Variants in WWOX observed in about 807,000 individuals in gnomAD.
WWOX encodes the protein WW domain-containing oxidoreductase.
A neutral mutation model predicts 46.2 loss-of-function variants in WWOX; 69 were observed. The observed-to-expected ratio is 1.49, with a 90% confidence interval of 1.23 to 1.82. The LOEUF is 1.82. WWOX is among the 40% of genes most tolerant of loss of function. WWOX has a pLI of 0.00. For synonymous variants in WWOX, 359 were observed against 202.6 expected (o/e 1.77, Z -6.56); for missense variants, 919 against 542.6 (o/e 1.69, Z -6.89).
At position 78,995,790 on chromosome 16, in the gene WWOX, T is replaced by G. The variant is rs1258539090; in HGVS notation, c.1057-215818T>G. Among the ~76,000 whole-genome samples the G allele has an allele frequency of 3.9e-5, 6 of 152,198 alleles. No homozygotes were observed. The South Asian group carries it at 1.0e-3, about 26-fold the overall frequency. On this transcript the variant is annotated intron_variant, in intron 8 of 8. Coordinates refer to ENST00000566780, the MANE Select transcript of WWOX (RefSeq NM_016373.4). ...CAATTTACTGTCTTTTATATGCAAATTGAAAGGGGCATCATTGCAAGTGTA... is the reference window on the plus strand; with the variant it reads ...CAATTTACTGTCTTTTATATGCAAAGTGAAAGGGGCATCATTGCAAGTGTA...
chr16:79,081,044 A>C (rs1335426374), intron 8 of WWOX, among the ~76,000 whole-genome samples: 1 of 152,094 alleles, frequency 6.6e-6, no homozygotes, highest in Non-Finnish European at 1.5e-5. Flanking sequence ...TCACTCATAG[A>C]TTTGAAAACA....
At chr16:78,399,544 A>T (rs1328090658) in intron 6 of WWOX, among the ~76,000 whole-genome samples, 2 of 152,214 alleles carry the variant, frequency 1.3e-5, no homozygotes, top group Non-Finnish European at 2.9e-5. Context: ...CTCTCAGCCC[A>T]GTCTATCAAG....
At chr16:78,968,739 G>A (rs1459331177) in intron 8 of WWOX, among the ~76,000 whole-genome samples, 1 of 152,046 alleles carries the variant, frequency 6.6e-6, no homozygotes, top group African/African-American at 2.4e-5. Flanking sequence ...CATGCTCATT[G>A]GTTTTAGGAA....
At chr16:78,601,126 C>T (rs4396548) in intron 8 of WWOX, among the ~76,000 whole-genome samples, 59 of 152,300 alleles carry the variant, frequency 3.9e-4, no homozygotes, top group South Asian at 8.3e-4. Context: ...CATGGCTCCT[C>T]GCACAGCAGG....
At chr16:78,413,173 G>T (rs73571070) in intron 6 of WWOX, among the ~76,000 whole-genome samples, 10,689 of 152,186 alleles carry the variant, frequency 0.07, 979 homozygotes, top group African/African-American at 0.22. Context: ...AACCAGAGTT[G>T]TACTACTCAA....
intron 8 of WWOX, among the ~76,000 whole-genome samples, chr16:78,504,860 T>C (rs897750100): frequency 1.3e-5 from 2 of 152,054 alleles, no homozygotes; most frequent in African/African-American, 2.4e-5. Context: ...TTCTAGAATA[T>C]CTCGAGTTCT....
At chr16:79,184,646 C>G (rs376353026) in intron 8 of WWOX, among the ~76,000 whole-genome samples, 1 of 152,196 alleles carries the variant, frequency 6.6e-6, no homozygotes, top group South Asian at 2.1e-4. Flanking sequence ...TGGCATCCAG[C>G]CTTGGTGAAG....
chr16:78,485,108 C>T (rs1453772455), intron 8 of WWOX, among the ~76,000 whole-genome samples: 1 of 151,768 alleles, frequency 6.6e-6, no homozygotes, highest in Admixed American at 6.6e-5. Context: ...GGAAACAGTT[C>T]ATCTGACTAC....
rs376482992 is a variant in WWOX at position 78,145,619 on chromosome 16, C to T, written c.410-18564C>T. Among the ~76,000 whole-genome samples, 54 of 152,292 alleles carry T rather than the reference C, an allele frequency of 3.5e-4. 1 individual carries two copies. In the East Asian group the frequency reaches 7.9e-3, roughly 22 times the overall value. ...TTCATCCGCTGACTTAAATGTTAAC[C>T]TCCTTTGGAAACACCCGCACAGACA... On this transcript the variant is annotated intron_variant, in intron 4 of 8. Coordinates refer to ENST00000566780, the MANE Select transcript of WWOX (RefSeq NM_016373.4).
intron 5 of WWOX, among the ~76,000 whole-genome samples, chr16:78,170,695 A>G (rs920537551): frequency 3.3e-5 from 5 of 152,228 alleles, no homozygotes; most frequent in African/African-American, 1.2e-4. Context: ...AGCCATCTTA[A>G]CTATTTATGT....
At chr16:78,241,374 G>T (rs1040199184) in intron 5 of WWOX, among the ~76,000 whole-genome samples, 9 of 151,642 alleles carry the variant, frequency 5.9e-5, no homozygotes, top group African/African-American at 2.2e-4. Flanking sequence ...CCTCATCCTT[G>T]TTCCAGCCTT....
chr16:79,029,562 C>T (rs775100308), intron 8 of WWOX, among the ~76,000 whole-genome samples: 1 of 152,124 alleles, frequency 6.6e-6, no homozygotes, highest in Non-Finnish European at 1.5e-5. Flanking sequence ...AAAATGAAGT[C>T]TATAAAAACT....
intron 5 of WWOX, among the ~76,000 whole-genome samples, chr16:78,279,978 G>A (rs2079647060): frequency 6.6e-6 from 1 of 152,212 alleles, no homozygotes; most frequent in Non-Finnish European, 1.5e-5. Flanking sequence ...TGAATCAAAT[G>A]AATCCGTTTC....
Position 78,109,787 on chromosome 16 carries a change from A to G in WWOX, c.182A>G (p.Tyr61Cys), listed in dbSNP as rs1227086156. ...KRKRVAGDLP[Y>C]GWEQETDENG... ...CTTTCTTGTGTTTCAGATTTGCCAT[A>G]CGGATGGGAACAAGAAACTGATGAG... The change falls in exon 3 of 9, where the codon TAC (tyrosine) becomes TGC (cysteine). Residue 61 changes from tyrosine (Y) to cysteine (C), a missense_variant. Transcript: ENST00000566780. 62 of 1,614,134 alleles carry G rather than the reference A, an allele frequency of 3.8e-5. No individual in the cohort carries two copies. Among genetic ancestry groups the G allele is most frequent in the Non-Finnish European group, 5.0e-5 (59 of 1,180,018 alleles).
At chr16:78,159,550 G>C (rs2034714856) in intron 4 of WWOX, among the ~76,000 whole-genome samples, 1 of 151,798 alleles carries the variant, frequency 6.6e-6, no homozygotes, top group Non-Finnish European at 1.5e-5. Context: ...TCTCACTGTG[G>C]TTTCAATTTG....
intron 8 of WWOX, among the ~76,000 whole-genome samples, chr16:78,975,517 T>C (rs2046554189): frequency 6.6e-6 from 1 of 151,840 alleles, no homozygotes; most frequent in Non-Finnish European, 1.5e-5. Context: ...ACGACTTTCC[T>C]AATGGTCTTT....
intron 8 of WWOX, among the ~76,000 whole-genome samples, chr16:78,519,987 G>A (rs1233847160): frequency 1.3e-5 from 2 of 152,198 alleles, no homozygotes; most frequent in Non-Finnish European, 2.9e-5. Flanking sequence ...ATGCTGTTCT[G>A]TATTGTAGTA....
chr16:78,373,387 G>T (rs1480347997), intron 5 of WWOX, among the ~76,000 whole-genome samples: 4 of 152,070 alleles, frequency 2.6e-5, no homozygotes, highest in African/African-American at 9.7e-5. Flanking sequence ...ATAACTTAAC[G>T]TTTATCTCAT....
intron 8 of WWOX, among the ~76,000 whole-genome samples, chr16:78,639,402 C>G (rs1597381995): frequency 6.6e-6 from 1 of 152,152 alleles, no homozygotes; most frequent in Non-Finnish European, 1.5e-5. Flanking sequence ...ATTATTCTCT[C>G]ACTTTGCAGA....
Sources: allele counts gnomAD v4.1 joint callset (sites outside exome capture counted in the v4.1 genomes callset), GRCh38; gene constraint gnomAD v4.1.1; transcripts MANE v1.5; gene names NCBI Gene and HGNC (gene_info 2026-07-23, HGNC 2026-07-21).